Variants in RERE observed in about 807,000 individuals in gnomAD.
The protein encoded by RERE is arginine-glutamic acid dipeptide repeats, also known as arginine-glutamic acid dipeptide repeats protein.
A neutral mutation model predicts 146.1 loss-of-function variants in RERE; 40 were observed. That is an observed-to-expected ratio of 0.27 (90% CI 0.21 to 0.36). RERE has a LOEUF of 0.36. RERE is among the 10% of genes least tolerant of loss of function. RERE has a pLI of 1.00. For missense variants in RERE, 1,933 were observed against 2,138.7 expected (o/e 0.90, Z 1.90); for synonymous variants, 1,003 against 866.0 (o/e 1.16, Z -2.78).
At position 8,401,038 on chromosome 1, in the gene RERE, CATATATATATATATATATAT is replaced by C. The variant is rs59752248; in HGVS notation, c.1284+21669_1284+21688del. Among the ~76,000 whole-genome samples the C allele has an allele frequency of 3.8e-3, 216 of 57,486 alleles. 4 individuals are homozygous for C. The Middle Eastern group carries it at 0.083, about 22-fold the overall frequency. The allele number at this position is 57,486 out of a possible 152,430, so 37.7% of individuals were successfully genotyped here. On this transcript the variant is annotated intron_variant, in intron 12 of 22. Coordinates refer to ENST00000400908, the MANE Select transcript of RERE (RefSeq NM_001042681.2). Reference sequence around the variant, plus strand: ...GTCTCAAAAAAAAAAAAAAAAAAACCATATATATATATATATATATATATATATATATATGTCACTTAATA... The same window carrying C: ...GTCTCAAAAAAAAAAAAAAAAAAACCATATATATATATATGTCACTTAATA...
chr1:8,670,639 A>G (rs920872091), intron 1 of RERE, among the ~76,000 whole-genome samples: 1 of 152,202 alleles, frequency 6.6e-6, no homozygotes, highest in Non-Finnish European at 1.5e-5. Context: ...TTACATGGTT[A>G]AAGTGGGGGA....
chr1:8,466,239 G>A (rs1295655157), intron 10 of RERE, among the ~76,000 whole-genome samples: 1 of 152,182 alleles, frequency 6.6e-6, no homozygotes, highest in East Asian at 1.9e-4. Context: ...AGGCAGGCAA[G>A]GCAGAAAATA....
intron 10 of RERE, among the ~76,000 whole-genome samples, chr1:8,478,462 A>G (rs944085401): frequency 6.6e-5 from 10 of 152,230 alleles, no homozygotes; most frequent in African/African-American, 2.4e-4. Context: ...ACAGCCCAAC[A>G]AATACCAGGT....
chr1:8,499,088 G>C (rs1645092839), intron 8 of RERE, among the ~76,000 whole-genome samples: 1 of 151,724 alleles, frequency 6.6e-6, no homozygotes, highest in Non-Finnish European at 1.5e-5. Flanking sequence ...GAGCAAGCAG[G>C]TGCCATGACC....
chr1:8,443,477 AAAG>A (rs1394546446), intron 11 of RERE, among the ~76,000 whole-genome samples: 5 of 150,856 alleles, frequency 3.3e-5, no homozygotes, highest in Admixed American at 1.3e-4. Context: ...AAAAAAAAAA[AAAG>A]AAAGAAAAGC....
rs12031006 is a variant in RERE, at chr1:8,489,860, C to A, written c.1104+5203G>T. Among the ~76,000 whole-genome samples, 5 of 151,594 alleles carry A rather than the reference C, an allele frequency of 3.3e-5. No individual in the cohort carries two copies. In the South Asian group the frequency reaches 1.0e-3, roughly 32 times the overall value. On this transcript the variant is annotated intron_variant, in intron 10 of 22. Coordinates refer to ENST00000400908, the MANE Select transcript of RERE (RefSeq NM_001042681.2). ...GGTCAGGAGATCGAGATCATCCTGGCTAACACAGTGAAACCCCATCTCTAC... is the reference window on the plus strand; with the variant it reads ...GGTCAGGAGATCGAGATCATCCTGGATAACACAGTGAAACCCCATCTCTAC...
intron 2 of RERE, among the ~76,000 whole-genome samples, chr1:8,633,674 C>T (rs764537501): frequency 6.6e-6 from 1 of 152,132 alleles, no homozygotes; most frequent in African/African-American, 2.4e-5. Flanking sequence ...GGCCTGTAAT[C>T]CCAGCACTTT....
In RERE at chr1:8,647,637, A is replaced by ATGTGTGTG. The variant is rs1484554374; in HGVS notation, c.325+8335_325+8336insCACACACA. Among the ~76,000 whole-genome samples, 226 of 59,354 alleles carry ATGTGTGTG rather than the reference A, an allele frequency of 3.8e-3. 1 individual carries two copies. Among genetic ancestry groups the ATGTGTGTG allele is most frequent in the African/African-American group, 0.013 (218 of 16,666 alleles). 38.9% of individuals were successfully genotyped at this position (59,354 alleles called of 152,430 possible). A position where few individuals can be genotyped will look rare whatever the true frequency, so the allele number is the denominator to read the frequency against. ...GATCAAATGAGCTTCTATTTAAAAT[A>ATGTGTGTG]TGTATGTGTGTGTGTGTGTGTGTGT... On this transcript the variant is annotated intron_variant, in intron 2 of 22. Coordinates refer to ENST00000400908, the MANE Select transcript of RERE (RefSeq NM_001042681.2).
At chr1:8,453,817 AT>A (rs1553168624) in intron 11 of RERE, among the ~76,000 whole-genome samples, 35 of 151,144 alleles carry the variant, frequency 2.3e-4, no homozygotes, top group African/African-American at 7.3e-4. Context: ...TCAAAAAAAA[AT>A]TTTTTTTTAA....
chr1:8,807,760 T>C (rs762225627), intron 1 of RERE, among the ~76,000 whole-genome samples: 1 of 152,162 alleles, frequency 6.6e-6, no homozygotes, highest in Non-Finnish European at 1.5e-5. Flanking sequence ...TCTTACACAC[T>C]CTAAAAGACT....
intron 4 of RERE, among the ~76,000 whole-genome samples, chr1:8,606,991 T>C (rs768554201): frequency 4.6e-5 from 7 of 152,168 alleles, no homozygotes; most frequent in Non-Finnish European, 1.0e-4. Flanking sequence ...TCAACTTCAC[T>C]CCAGTCCTTA....
intron 7 of RERE, among the ~76,000 whole-genome samples, chr1:8,533,465 T>G (rs1645684602): frequency 6.6e-6 from 1 of 152,198 alleles, no homozygotes; most frequent in Non-Finnish European, 1.5e-5. Flanking sequence ...GGATATTTTA[T>G]CTGTGGGGAT....
At chr1:8,427,841 G>GGTC (rs1476853995) in intron 11 of RERE, among the ~76,000 whole-genome samples, 1 of 152,040 alleles carries the variant, frequency 6.6e-6, no homozygotes, top group Non-Finnish European at 1.5e-5. Flanking sequence ...GATTGGAAGG[G>GGTC]GTCACACGTG....
intron 7 of RERE, among the ~76,000 whole-genome samples, chr1:8,531,009 CTATCTAT>C (rs1645641464): frequency 4.0e-5 from 1 of 25,192 alleles, no homozygotes; most frequent in African/African-American, 2.3e-4. Context: ...ACTGAGTTTT[CTATCTAT>C]CTATCTATCT....
intron 6 of RERE, among the ~76,000 whole-genome samples, chr1:8,554,678 CAAAAAAAA>C (rs386366172): frequency 3.0e-5 from 3 of 100,722 alleles, no homozygotes; most frequent in African/African-American, 3.8e-5. Flanking sequence ...GATCCTGTCT[CAAAAAAAA>C]AAAAAAAAAA....
intron 1 of RERE, among the ~76,000 whole-genome samples, chr1:8,691,296 T>G (rs1305419511): frequency 3.3e-5 from 5 of 150,310 alleles, no homozygotes; most frequent in African/African-American, 1.0e-4. Context: ...GAAGGTCTGG[T>G]TTTTTTTGGT....
chr1:8,779,679 T>C (rs1641131262), intron 1 of RERE, among the ~76,000 whole-genome samples: 1 of 151,020 alleles, frequency 6.6e-6, no homozygotes, highest in African/African-American at 2.4e-5. Flanking sequence ...AAAGAAAGAA[T>C]GTAAGCTCCA....
intron 11 of RERE, among the ~76,000 whole-genome samples, chr1:8,455,786 A>C (rs1485550258): frequency 6.6e-6 from 1 of 152,130 alleles, no homozygotes. Context: ...TGCCCTCAAG[A>C]CTTCCTAGTT....
intron 3 of RERE, among the ~76,000 whole-genome samples, 188 bp from the exon 4 acceptor site, chr1:8,614,874 G>T (rs966752683): frequency 3.3e-5 from 5 of 152,134 alleles, no homozygotes; most frequent in Non-Finnish European, 7.3e-5. Context: ...CCTTATTTCA[G>T]TGTGAACAAA....
Sources: gnomAD v4.1 joint callset for allele counts (sites outside exome capture counted in the v4.1 genomes callset) on GRCh38, gnomAD v4.1.1 for gene constraint, MANE v1.5 for transcripts, NCBI Gene and HGNC (gene_info 2026-07-23, HGNC 2026-07-21) for gene names.